The following KCNQ1 variants were observed in gnomAD, a reference collection of about 807,000 sequenced individuals.
KCNQ1 encodes potassium voltage-gated channel subfamily Q member 1.
KCNQ1 carries 49 observed loss-of-function variants against 72.4 expected under a neutral mutation model. The ratio of observed to expected loss-of-function variants is 0.68; its 90% CI spans 0.54 to 0.86. The LOEUF (loss-of-function observed/expected upper bound fraction) is 0.86, where lower values mean the gene tolerates loss of function less well. Ranked by LOEUF, KCNQ1 falls within the 40% of genes least tolerant of loss-of-function variation. The pLI, the probability that KCNQ1 is intolerant of heterozygous loss-of-function variation, is 0.00. For missense variants in KCNQ1, 790 were observed against 945.1 expected (o/e 0.84, Z 2.15); for synonymous variants, 450 against 412.6 (o/e 1.09, Z -1.10).
At chr11:2,504,859 C>G (rs1295155825) in intron 1 of KCNQ1, among the ~76,000 whole-genome samples, 4 of 152,076 alleles carry the variant, frequency 2.6e-5, no homozygotes, top group African/African-American at 9.7e-5. Flanking sequence ...TTATTATGTA[C>G]TGTCTGTCTA....
Position 2,671,831 on chromosome 11 carries a change from T to TA in KCNQ1, c.1514+9751dup. The TA allele has an allele frequency of 2.5e-6, 1 of 398,774 alleles. No individual in the cohort carries two copies. The highest frequency in any genetic ancestry group is 4.4e-6 in the Non-Finnish European group (1 of 226,156). The allele number at this position is 398,774 out of a possible 1,614,324, so 24.7% of individuals were successfully genotyped here. On this transcript the variant is annotated intron_variant, in intron 11 of 15. Transcript: ENST00000155840. The surrounding 1 kb of genome is among the most constrained non-coding windows in gnomAD (Gnocchi z 4.7). ...TAAATCCCTGCAACCCCACTGTGGT[T>TA]ATAGGTCTGAGCCTTCTGCCCCAGG...
chr11:2,504,727 A>C (rs1847075232), intron 1 of KCNQ1, among the ~76,000 whole-genome samples: 1 of 152,234 alleles, frequency 6.6e-6, no homozygotes, highest in African/African-American at 2.4e-5. Flanking sequence ...ACTGCACTCC[A>C]GCCTGGGTAA....
intron 11 of KCNQ1, chr11:2,665,104 G>A (rs925884304): frequency 3.3e-5 from 13 of 398,380 alleles, no homozygotes; most frequent in African/African-American, 8.2e-5. Flanking sequence ...AAAGAGTGGC[G>A]TCGCTGCACC....
At chr11:2,449,934 C>T (rs953193261) in intron 1 of KCNQ1, among the ~76,000 whole-genome samples, 5 of 152,134 alleles carry the variant, frequency 3.3e-5, no homozygotes, top group East Asian at 1.9e-4. Context: ...CTGGTCCTGA[C>T]GCAGGGGTCC....
rs1407128713 is a variant in KCNQ1 at position 2,681,199 on chromosome 11, T to G, written c.1514+19118T>G. Reference sequence around the variant, plus strand: ...GGTTTGGAAAAAGTCATTTTTGCAGTGTTTGTGTTCTATGAAGAGTGGGTA... The same window carrying G: ...GGTTTGGAAAAAGTCATTTTTGCAGGGTTTGTGTTCTATGAAGAGTGGGTA... On this transcript the variant is annotated intron_variant, in intron 11 of 15. Transcript: ENST00000155840. 8 of 398,460 alleles carry G rather than the reference T, an allele frequency of 2.0e-5. No individual in the cohort carries two copies. In the Admixed American group the frequency reaches 2.2e-4, roughly 11 times the overall value. 24.7% of individuals were successfully genotyped at this position (398,460 alleles called of 1,614,324 possible). A position where few individuals can be genotyped will look rare whatever the true frequency, so the allele number is the denominator to read the frequency against.
intron 1 of KCNQ1, among the ~76,000 whole-genome samples, chr11:2,510,753 T>G (rs1468373859): frequency 6.6e-6 from 1 of 152,200 alleles, no homozygotes; most frequent in African/African-American, 2.4e-5. Context: ...CAGCAGATTC[T>G]AGGCCAGAGC....
At chr11:2,604,796 G>A (rs2133781767) in intron 10 of KCNQ1, among the ~76,000 whole-genome samples, 1 of 152,220 alleles carries the variant, frequency 6.6e-6, no homozygotes, top group Non-Finnish European at 1.5e-5. Context: ...ACCCGCCTTG[G>A]CCTCCCAAAG....
rs1590020221 is a variant in KCNQ1 at position 2,668,781 on chromosome 11, A to G, written c.1514+6700A>G. 2 of 398,560 alleles carry G rather than the reference A, an allele frequency of 5.0e-6. No individual in the cohort carries two copies. Among genetic ancestry groups the G allele is most frequent in the East Asian group, 7.1e-5 (2 of 28,080 alleles). 24.7% of individuals were successfully genotyped at this position (398,560 alleles called of 1,614,324 possible). ...CTTCCTCTCTTGATGGTGTCTTTTGATGAACAGAAGGTCTTAATTTTCATG... is the reference window on the plus strand; with the variant it reads ...CTTCCTCTCTTGATGGTGTCTTTTGGTGAACAGAAGGTCTTAATTTTCATG... On this transcript the variant is annotated intron_variant, in intron 11 of 15. Coordinates refer to ENST00000155840, the MANE Select transcript of KCNQ1 (RefSeq NM_000218.3). The surrounding 1 kb of genome is among the most constrained non-coding windows in gnomAD (Gnocchi z 4.3).
rs1317498255 is a variant in KCNQ1 at position 2,766,528 on chromosome 11, C to G, written c.1515-2316C>G. 6.6e-6 allele frequency among the ~76,000 whole-genome samples: 1 copy of G among 152,218 alleles called. No individual in the cohort carries two copies. The highest frequency in any genetic ancestry group is 1.5e-5 in the Non-Finnish European group (1 of 68,034). ...TGAGCTTCAGAAGACATGATCATTT[C>G]CACCATGGTGGAGATAGACTCTAGC... On this transcript the variant is annotated intron_variant, in intron 11 of 15. Transcript: ENST00000155840. The surrounding 1 kb of genome is among the most constrained non-coding windows in gnomAD (Gnocchi z 4.4).
rs1848266733 is a variant in KCNQ1 at position 2,567,689 on chromosome 11, G to A, written c.478-2939G>A. On this transcript the variant is annotated intron_variant, in intron 2 of 15. Transcript: ENST00000155840. This position sits in a 1 kb window ranked among gnomAD's most constrained non-coding sequence, Gnocchi z 6.6. ...TGACAAGCGGGGCCTCCCCAGCCATGCAGCCTTGCACTGCCTTCCCACATC... is the reference window on the plus strand; with the variant it reads ...TGACAAGCGGGGCCTCCCCAGCCATACAGCCTTGCACTGCCTTCCCACATC... Among the ~76,000 whole-genome samples the A allele has an allele frequency of 1.3e-5, 2 of 152,242 alleles. 1 individual carries two copies. Among genetic ancestry groups the A allele is most frequent in the South Asian group, 4.1e-4 (2 of 4,830 alleles).
At chr11:2,741,509 G>A (rs1564878172) in intron 11 of KCNQ1, among the ~76,000 whole-genome samples, 2 of 152,126 alleles carry the variant, frequency 1.3e-5, no homozygotes, top group Non-Finnish European at 2.9e-5. Context: ...CTGTGCCCCT[G>A]TTTATCCCTT....
At chr11:2,778,337 C>A (rs55882753) in intron 15 of KCNQ1, among the ~76,000 whole-genome samples, 1 of 152,236 alleles carries the variant, frequency 6.6e-6, no homozygotes, top group Admixed American at 6.5e-5. Flanking sequence ...CGCTGCCTCT[C>A]GTAGTCTGCT....
intron 10 of KCNQ1, chr11:2,648,198 G>C (rs138657168): frequency 5.1e-6 from 2 of 389,176 alleles, no homozygotes; most frequent in African/African-American, 4.4e-5. Flanking sequence ...GAGTGAGACC[G>C]TGTCTCGGGG....
chr11:2,456,623 T>TA (rs1846193199), intron 1 of KCNQ1, among the ~76,000 whole-genome samples: 1 of 151,314 alleles, frequency 6.6e-6, no homozygotes, highest in Non-Finnish European at 1.5e-5. Context: ...ACAACCCCAT[T>TA]AAAAAGTGGG....
Position 2,691,863 on chromosome 11 carries a change from T to TC in KCNQ1, c.1514+29785dup, listed in dbSNP as rs1850594093. On this transcript the variant is annotated intron_variant, in intron 11 of 15. Coordinates refer to ENST00000155840, the MANE Select transcript of KCNQ1 (RefSeq NM_000218.3). This position sits in a 1 kb window ranked among gnomAD's most constrained non-coding sequence, Gnocchi z 6.4. ...CATGACCCCTAGGTCCTCTTTTCCA[T>TC]CCCTCCAGTTCTCCTGGCTTTCTTG... The TC allele has an allele frequency of 2.5e-6, 1 of 398,574 alleles. No individual in the cohort carries two copies. Among genetic ancestry groups the TC allele is most frequent in the Admixed American group, 4.4e-5 (1 of 22,726 alleles). 24.7% of individuals were successfully genotyped at this position (398,574 alleles called of 1,614,324 possible). A position where few individuals can be genotyped will look rare whatever the true frequency, so the allele number is the denominator to read the frequency against.
rs537850333 is a variant in KCNQ1 at position 2,748,912 on chromosome 11, G to A, written c.1515-19932G>A. On this transcript the variant is annotated intron_variant, in intron 11 of 15. Transcript: ENST00000155840. The surrounding 1 kb of genome is among the most constrained non-coding windows in gnomAD (Gnocchi z 6.2). Reference sequence around the variant, plus strand: ...CAGAGTGCCCTCTTCCCCTCTTTGCGGTTGTCACCCTGTCCTTGAGTCTAA... The same window carrying A: ...CAGAGTGCCCTCTTCCCCTCTTTGCAGTTGTCACCCTGTCCTTGAGTCTAA... Among the ~76,000 whole-genome samples, 2 of 152,226 alleles carry A rather than the reference G, an allele frequency of 1.3e-5. No individual in the cohort carries two copies. The highest frequency in any genetic ancestry group is 4.8e-5 in the African/African-American group (2 of 41,452).
In KCNQ1 at chr11:2,679,813, G is replaced by T. The variant is rs1850358334; in HGVS notation, c.1514+17732G>T. 5.0e-6 allele frequency: 2 copies of T among 398,604 alleles called. No individual in the cohort carries two copies. Among genetic ancestry groups the T allele is most frequent in the Admixed American group, 8.8e-5 (2 of 22,740 alleles). The allele number at this position is 398,604 out of a possible 1,614,324, so 24.7% of individuals were successfully genotyped here. Reference sequence around the variant, plus strand: ...GTTGAGGGCTAGAGGAGCACAAGGGGCCAGACTGCTGCTACTTCTGAATTT... The same window carrying T: ...GTTGAGGGCTAGAGGAGCACAAGGGTCCAGACTGCTGCTACTTCTGAATTT... On this transcript the variant is annotated intron_variant, in intron 11 of 15. Coordinates refer to ENST00000155840, the MANE Select transcript of KCNQ1 (RefSeq NM_000218.3). This position sits in a 1 kb window ranked among gnomAD's most constrained non-coding sequence, Gnocchi z 4.8.
intron 15 of KCNQ1, among the ~76,000 whole-genome samples, chr11:2,794,850 G>A (rs527924609): frequency 2.0e-5 from 3 of 152,248 alleles, no homozygotes; most frequent in African/African-American, 7.2e-5. Flanking sequence ...CCTAGCGGAG[G>A]GAAAGACGGG....
At position 2,827,130 on chromosome 11, in the gene KCNQ1, C is replaced by T. The variant is rs1036395359; in HGVS notation, c.1795-20637C>T. 5.9e-5 allele frequency among the ~76,000 whole-genome samples: 9 copies of T among 152,250 alleles called. No homozygotes were observed. The highest frequency in any genetic ancestry group is 3.3e-4 in the Admixed American group (5 of 15,300). Reference sequence around the variant, plus strand: ...GAGAGGAGGCCAGGCACAGTCACCTCGTGTTGCTGTCCCCCAGGTAGGAGA... The same window carrying T: ...GAGAGGAGGCCAGGCACAGTCACCTTGTGTTGCTGTCCCCCAGGTAGGAGA... On this transcript the variant is annotated intron_variant, in intron 15 of 15. Coordinates refer to ENST00000155840, the MANE Select transcript of KCNQ1 (RefSeq NM_000218.3). The surrounding 1 kb of genome is among the most constrained non-coding windows in gnomAD (Gnocchi z 6.7).
Sources: gnomAD v4.1 joint callset for allele counts (sites outside exome capture counted in the v4.1 genomes callset) on GRCh38, gnomAD v4.1.1 for gene constraint, Gnocchi (gnomAD v3.1) non-coding constraint, MANE v1.5 for transcripts, NCBI Gene and HGNC (gene_info 2026-07-23, HGNC 2026-07-21) for gene names.